The following CNBD1 variants were observed in gnomAD, a reference collection of about 807,000 sequenced individuals.
CNBD1 encodes the protein cyclic nucleotide binding domain containing 1.
A neutral mutation model predicts 54.4 loss-of-function variants in CNBD1; 71 were observed. The observed-to-expected ratio is 1.30, with a 90% CI of 1.08 to 1.59. The LOEUF (loss-of-function observed/expected upper bound fraction) is 1.59. CNBD1 is among the 40% of genes most tolerant of loss of function. The probability of loss-of-function intolerance (pLI) is 0.00; values close to 1 mark genes in which losing one functional copy is unlikely to be tolerated. For missense variants in CNBD1, 659 were observed against 518.0 expected, an observed-to-expected ratio of 1.27 and a Z score of -2.64; for synonymous variants, 182 against 170.7, an observed-to-expected ratio of 1.07 and a Z score of -0.51.
rs1391915460 is a variant in CNBD1 at position 86,866,430 on chromosome 8, A to G, written c.-66A>G. On this transcript the variant is annotated 5_prime_UTR_variant, in exon 1 of 11. Coordinates refer to ENST00000518476, the MANE Select transcript of CNBD1 (RefSeq NM_173538.3). The stretch of plus-strand genomic sequence containing the variant: ...TTGAAGTTCTGCTTTATGAGCCTGC[A>G]GGCAAAGAGTGATCATTTGCCTCTC... 1 of 1,137,716 alleles carries G rather than the reference A, an allele frequency of 8.8e-7. No individual in the cohort carries two copies. Among genetic ancestry groups the G allele is most frequent in the Non-Finnish European group, 1.3e-6 (1 of 768,432 alleles). 70.5% of individuals were successfully genotyped at this position (1,137,716 alleles called of 1,614,324 possible). A position where few individuals can be genotyped will look rare whatever the true frequency, so the allele number is the denominator to read the frequency against.
At chr8:87,305,435 G>A (rs1435288700) in intron 8 of CNBD1, among the ~76,000 whole-genome samples, 1 of 152,004 alleles carries the variant, frequency 6.6e-6, no homozygotes, top group Non-Finnish European at 1.5e-5. Context: ...CCAAAAAAGT[G>A]CCCACATAGC....
At chr8:87,220,881 A>G (rs1814319095) in intron 5 of CNBD1, among the ~76,000 whole-genome samples, 1 of 152,056 alleles carries the variant, frequency 6.6e-6, no homozygotes, top group African/African-American at 2.4e-5. Flanking sequence ...GTTGTCTACA[A>G]ATGATCAGAA....
chr8:86,918,864 T>A (rs1370497197), intron 3 of CNBD1, among the ~76,000 whole-genome samples: 1 of 151,774 alleles, frequency 6.6e-6, no homozygotes, highest in Admixed American at 6.6e-5. Flanking sequence ...ACCCACATAG[T>A]GTACACTGTA....
chr8:87,041,456 T>C (rs952685417), intron 4 of CNBD1, among the ~76,000 whole-genome samples: 1 of 152,068 alleles, frequency 6.6e-6, no homozygotes, highest in Non-Finnish European at 1.5e-5. Context: ...AAAATGTTCT[T>C]AGATGAGAGA....
chr8:87,292,779 G>T (rs914997021), intron 8 of CNBD1, among the ~76,000 whole-genome samples: 1 of 152,160 alleles, frequency 6.6e-6, no homozygotes, highest in Admixed American at 6.5e-5. Context: ...AAGAAGTCAG[G>T]AGCAGCTCTC....
intron 8 of CNBD1, among the ~76,000 whole-genome samples, chr8:87,312,902 T>G (rs1809298634): frequency 6.6e-6 from 1 of 152,058 alleles, no homozygotes; most frequent in South Asian, 2.1e-4. Context: ...AGCTATGAGA[T>G]TTGTATTTGC....
intron 6 of CNBD1, among the ~76,000 whole-genome samples, chr8:87,255,955 T>C (rs1435953852): frequency 8.2e-6 from 1 of 121,238 alleles, no homozygotes; most frequent in Non-Finnish European, 1.7e-5. Context: ...AAAATACTCA[T>C]ATGATTTGCA....
intron 6 of CNBD1, among the ~76,000 whole-genome samples, chr8:87,273,838 T>C (rs926201911): frequency 2.6e-5 from 4 of 151,840 alleles, no homozygotes; most frequent in Admixed American, 6.6e-5. Flanking sequence ...TAGTTACATA[T>C]GTATTCATGT....
At chr8:87,394,567 A>G (rs576960670) in intron 2 of CNBD1, among the ~76,000 whole-genome samples, 3 of 152,018 alleles carry the variant, frequency 2.0e-5, no homozygotes, top group South Asian at 2.1e-4. Context: ...CTGTTGTTTT[A>G]TCTGCTTTTA....
intron 10 of CNBD1, among the ~76,000 whole-genome samples, chr8:87,363,400 A>G (rs1435562736): frequency 6.6e-6 from 1 of 152,100 alleles, no homozygotes; most frequent in African/African-American, 2.4e-5. Flanking sequence ...ATTTCTGGTT[A>G]TAGATCCTTG....
intron 4 of CNBD1, among the ~76,000 whole-genome samples, chr8:87,046,878 A>G (rs1250385384): frequency 6.6e-6 from 1 of 152,152 alleles, no homozygotes; most frequent in African/African-American, 2.4e-5. Context: ...GGTTATTACT[A>G]GTATCAAATA....
At chr8:86,866,671 G>A in intron 1 of CNBD1, 88 bp downstream of exon 1, 1 of 892,922 alleles carries the variant, frequency 1.1e-6, no homozygotes, top group Non-Finnish European at 1.8e-6. Context: ...GGGTATTTCA[G>A]GGTTGATAGG....
chr8:87,264,461 A>G (rs1388140554), intron 6 of CNBD1, among the ~76,000 whole-genome samples: 3 of 152,104 alleles, frequency 2.0e-5, no homozygotes, highest in South Asian at 2.1e-4. Context: ...ATAAACATAC[A>G]TGTGCGTGTG....
chr8:87,410,133 G>A (rs938732471), intron 2 of CNBD1, among the ~76,000 whole-genome samples: 1 of 152,084 alleles, frequency 6.6e-6, no homozygotes, highest in Non-Finnish European at 1.5e-5. Context: ...AATATTTTAA[G>A]CCCAGAATTG....
intron 6 of CNBD1, among the ~76,000 whole-genome samples, chr8:87,283,106 A>G (rs1281428003): frequency 6.6e-6 from 1 of 151,890 alleles, no homozygotes; most frequent in Non-Finnish European, 1.5e-5. Flanking sequence ...CCCCCTTCTT[A>G]TTTCCATTTC....
At chr8:86,951,722 CCTTT>C (rs780400182) in intron 4 of CNBD1, among the ~76,000 whole-genome samples, 1 of 147,234 alleles carries the variant, frequency 6.8e-6, no homozygotes, top group Non-Finnish European at 1.5e-5. Flanking sequence ...TTTTAATTTG[CCTTT>C]CTTTGTTTCC....
At chr8:86,947,698 GAAT>G (rs1231053482) in intron 4 of CNBD1, among the ~76,000 whole-genome samples, 1 of 152,042 alleles carries the variant, frequency 6.6e-6, no homozygotes, top group African/African-American at 2.4e-5. Context: ...GGCATACAAT[GAAT>G]AATAATGACA....
At chr8:87,184,744 C>T (rs1813438035) in intron 4 of CNBD1, among the ~76,000 whole-genome samples, 1 of 152,178 alleles carries the variant, frequency 6.6e-6, no homozygotes, top group East Asian at 1.9e-4. Flanking sequence ...TCCCTATATC[C>T]ACTCCCAACA....
At chr8:87,051,154 C>T (rs1810302828) in intron 4 of CNBD1, among the ~76,000 whole-genome samples, 2 of 152,192 alleles carry the variant, frequency 1.3e-5, no homozygotes, top group Non-Finnish European at 1.5e-5. Context: ...GCAGGTTCCT[C>T]CAACTACAGC....
Sources: gnomAD v4.1 joint callset for allele counts (sites outside exome capture counted in the v4.1 genomes callset) on GRCh38, gnomAD v4.1.1 for gene constraint, MANE v1.5 for transcripts, NCBI Gene and HGNC (gene_info 2026-07-23, HGNC 2026-07-21) for gene names.